AP2B1: variants seen among roughly 807,000 people sequenced by gnomAD.
The protein encoded by AP2B1 is adaptor related protein complex 2 subunit beta 1, also known as AP-2 complex subunit beta.
AP2B1 carries 23 observed loss-of-function variants against 102.0 expected under a neutral mutation model. The observed-to-expected ratio is 0.23, with a 90% CI of 0.16 to 0.32. The LOEUF (loss-of-function observed/expected upper bound fraction) is 0.32. Among genes scored for constraint, AP2B1 ranks in the 10% least tolerant of loss-of-function variants. AP2B1 has a pLI of 1.00. For synonymous variants in AP2B1, 381 were observed against 421.2 expected (o/e 0.90, Z 1.17); for missense variants, 541 against 1,157.4 (o/e 0.47, Z 7.73).
intron 12 of AP2B1, among the ~76,000 whole-genome samples, chr17:35,643,953 A>G (rs904617433): frequency 3.9e-5 from 6 of 152,256 alleles, no homozygotes; most frequent in Admixed American, 1.3e-4. Context: ...ACATTTAACA[A>G]TCTCCCATGG....
rs149437317 is a variant in AP2B1, at chr17:35,723,668, A to G, written c.2825A>G (p.Tyr942Cys). The G allele has an allele frequency of 9.9e-6, 16 of 1,612,602 alleles. No individual in the cohort carries two copies. The highest frequency in any genetic ancestry group is 2.2e-5 in the East Asian group (1 of 44,830). ...GCTCCTGAAGTCTCTCAATACATCT[A>G]TCAGGTCTACGACAGCATTTTGAAA... ...CRAPEVSQYI[Y>C]QVYDSILKN Residue 942 changes from tyrosine (Y) to cysteine (C), a missense_variant, in exon 22 of 22, where the codon TAT becomes TGT. Around this residue, in one of 10 missense-constraint regions of AP2B1, gnomAD observed 117 missense variants for 206.7 expected, o/e 0.57. Coordinates refer to ENST00000610402, the MANE Select transcript of AP2B1 (RefSeq NM_001030006.2).
At chr17:35,719,960 C>CT (rs2085307983) in intron 21 of AP2B1, among the ~76,000 whole-genome samples, 1 of 152,192 alleles carries the variant, frequency 6.6e-6, no homozygotes, top group African/African-American at 2.4e-5. Context: ...TTCATGTTTA[C>CT]TTTAAGAACA....
At chr17:35,626,417 G>A (rs2074317896) in intron 6 of AP2B1, among the ~76,000 whole-genome samples, 1 of 152,138 alleles carries the variant, frequency 6.6e-6, no homozygotes, top group Non-Finnish European at 1.5e-5. Flanking sequence ...GTCTTCTTAT[G>A]TCCCTGCTCT....
At chr17:35,716,058 G>A (rs1421724972) in intron 20 of AP2B1, among the ~76,000 whole-genome samples, 5 of 152,180 alleles carry the variant, frequency 3.3e-5, no homozygotes, top group Non-Finnish European at 7.3e-5. Flanking sequence ...TGCAGATAAC[G>A]TGGGAAACAC....
rs537703333 is a variant in AP2B1 at position 35,673,466 on chromosome 17, C to T, written c.2179-710C>T. Among the ~76,000 whole-genome samples, 44 of 152,174 alleles carry T rather than the reference C, an allele frequency of 2.9e-4. 2 individuals are homozygous for T. In the South Asian group the frequency reaches 7.9e-3, roughly 27 times the overall value. ...CCTCCCAAAGTGCTGGGATTGCAGG[C>T]GTGAGCCACCACGCCTGGCCTTAAA... On this transcript the variant is annotated intron_variant, in intron 16 of 21. Transcript: ENST00000610402.
intron 17 of AP2B1, among the ~76,000 whole-genome samples, chr17:35,679,159 C>T (rs1475406962): frequency 4.6e-5 from 7 of 152,064 alleles, no homozygotes; most frequent in African/African-American, 9.7e-5. Flanking sequence ...GGAAGCTAGG[C>T]GGGTAGTTTT....
chr17:35,711,194 T>C (rs1403672360), intron 20 of AP2B1, among the ~76,000 whole-genome samples: 11 of 152,166 alleles, frequency 7.2e-5, no homozygotes, highest in Non-Finnish European at 1.3e-4. Flanking sequence ...TTTAGAGCTC[T>C]TTCTTTCTCT....
At chr17:35,638,936 C>T (rs1567872580) in intron 10 of AP2B1, among the ~76,000 whole-genome samples, 1 of 152,144 alleles carries the variant, frequency 6.6e-6, no homozygotes, top group East Asian at 1.9e-4. Context: ...TCCTCTCTAC[C>T]ATGAAGGCAA....
rs142276306 is a variant in AP2B1 at position 35,712,622 on chromosome 17, C to G, written c.2626+2302C>G. ...CCAGCCTGGGTGACAGAGCGAGACT[C>G]CGTCTCAAAAAAAAAATAAAAATAA... On this transcript the variant is annotated intron_variant, in intron 20 of 21. Transcript: ENST00000610402. 6.7e-3 allele frequency among the ~76,000 whole-genome samples: 1,020 copies of G among 151,666 alleles called. 12 individuals are homozygous for G. Among genetic ancestry groups the G allele is most frequent in the African/African-American group, 0.024 (974 of 41,314 alleles).
chr17:35,653,083 G>T (rs922012078), intron 13 of AP2B1, among the ~76,000 whole-genome samples: 1 of 151,904 alleles, frequency 6.6e-6, no homozygotes, highest in African/African-American at 2.4e-5. Context: ...TATTAATCTT[G>T]GTTGTATCAA....
At chr17:35,695,598 C>T (rs1394734203) in intron 18 of AP2B1, among the ~76,000 whole-genome samples, 3 of 152,076 alleles carry the variant, frequency 2.0e-5, no homozygotes, top group Admixed American at 2.0e-4. Flanking sequence ...TATGTGACTG[C>T]TTTCTGCCAG....
chr17:35,638,789 GAAA>G (rs11286699), intron 10 of AP2B1, among the ~76,000 whole-genome samples: 23 of 110,526 alleles, frequency 2.1e-4, no homozygotes, highest in East Asian at 2.6e-4. Context: ...ACTCCGTCTT[GAAA>G]AAAAAAAAAA....
At chr17:35,608,019 C>G in intron 4 of AP2B1, 123 bp from the exon 5 acceptor site, 1 of 1,153,212 alleles carries the variant, frequency 8.7e-7, no homozygotes, top group East Asian at 2.4e-5. Flanking sequence ...AAGATTGGAG[C>G]TCATGTAGAA....
chr17:35,710,935 T>A (rs908937202), intron 20 of AP2B1, among the ~76,000 whole-genome samples: 22 of 152,120 alleles, frequency 1.4e-4, no homozygotes, highest in Non-Finnish European at 3.1e-4. Context: ...TGGTAACCTT[T>A]TACTACACTG....
chr17:35,595,811 T>G (rs1480340585), intron 2 of AP2B1, among the ~76,000 whole-genome samples: 1 of 152,212 alleles, frequency 6.6e-6, no homozygotes, highest in Non-Finnish European at 1.5e-5. Context: ...GTCTCAGCTT[T>G]TTCTGATTTT....
At chr17:35,719,278 G>A (rs1555591654) in intron 21 of AP2B1, among the ~76,000 whole-genome samples, 1 of 151,920 alleles carries the variant, frequency 6.6e-6, no homozygotes, top group Non-Finnish European at 1.5e-5. Flanking sequence ...GATTGGTAGT[G>A]GATAGTACTA....
rs587747657 is a variant in AP2B1, at chr17:35,698,114, A to G, written c.2455-11110A>G. 1.4e-4 allele frequency among the ~76,000 whole-genome samples: 21 copies of G among 152,334 alleles called. No individual in the cohort carries two copies. The South Asian group carries it at 3.5e-3, about 26-fold the overall frequency. ...AAGGGTAGTCATCTAGCACTTTTCA[A>G]TATCAGGTTTTTCTTTACTTGCTAT... On this transcript the variant is annotated intron_variant, in intron 18 of 21. Transcript: ENST00000610402.
chr17:35,640,921 G>T (rs536853019), intron 11 of AP2B1, among the ~76,000 whole-genome samples: 49 of 152,298 alleles, frequency 3.2e-4, no homozygotes, highest in African/African-American at 1.2e-3. Context: ...TGAAAATTCT[G>T]AGACTGCTTC....
chr17:35,627,858 G>A lies in AP2B1; in HGVS notation c.1155+132G>A, dbSNP rs965622883. 7.1e-6 allele frequency: 5 copies of A among 705,852 alleles called. No individual in the cohort carries two copies. The African/African-American group carries it at 9.2e-5, about 13-fold the overall frequency. 43.7% of individuals were successfully genotyped at this position (705,852 alleles called of 1,614,324 possible). A position where few individuals can be genotyped will look rare whatever the true frequency, so the allele number is the denominator to read the frequency against. ...GTTTCAATGTTAAAGAATTTTTAAT[G>A]GAAAGCAGCTGTCTCTGGTTCCTCC... On this transcript the variant is annotated intron_variant, in intron 9 of 21. Coordinates refer to ENST00000610402, the MANE Select transcript of AP2B1 (RefSeq NM_001030006.2).
Sources: allele counts gnomAD v4.1 joint callset (sites outside exome capture counted in the v4.1 genomes callset), GRCh38; gene constraint gnomAD v4.1.1; regional missense constraint gnomAD v4.1.1; transcripts MANE v1.5; gene names NCBI Gene and HGNC (gene_info 2026-07-23, HGNC 2026-07-21).